RGS17: variants seen among roughly 807,000 people sequenced by gnomAD.
The protein encoded by RGS17 is regulator of G protein signaling 17.
A neutral mutation model predicts 25.5 loss-of-function variants in RGS17; 12 were observed. That is an observed-to-expected ratio of 0.47 (90% CI 0.30 to 0.76). The LOEUF (loss-of-function observed/expected upper bound fraction) is 0.76, where lower values mean the gene tolerates loss of function less well. Among genes scored for constraint, RGS17 ranks in the 30% least tolerant of loss-of-function variants. The pLI is 0.07. For missense variants in RGS17, 196 were observed against 242.2 expected, an observed-to-expected ratio of 0.81 and a Z score of 1.27; for synonymous variants, 71 against 76.9, an observed-to-expected ratio of 0.92 and a Z score of 0.40.
intron 2 of RGS17, among the ~76,000 whole-genome samples, chr6:153,043,508 G>A (rs7755574): frequency 6.7e-6 from 1 of 149,968 alleles, no homozygotes; most frequent in Non-Finnish European, 1.5e-5. Context: ...AAAAACACAT[G>A]CAATACTACA....
Position 153,054,018 on chromosome 6 carries a change from GTATATAATATATATACA to G in RGS17, c.-25-9992_-25-9976del, listed in dbSNP as rs1562321465. Among the ~76,000 whole-genome samples, 2 of 21,356 alleles carry G rather than the reference GTATATAATATATATACA, an allele frequency of 9.4e-5. 1 individual carries two copies. The highest frequency in any genetic ancestry group is 3.5e-4 in the African/African-American group (2 of 5,638). 14.0% of individuals were successfully genotyped at this position (21,356 alleles called of 152,430 possible). On this transcript the variant is annotated intron_variant, in intron 1 of 4. Coordinates refer to ENST00000206262, the MANE Select transcript of RGS17 (RefSeq NM_012419.5). Reference sequence around the variant, plus strand: ...TATATATACATATATACGTATATATGTATATAATATATATACATATATATGTATATATGTATATAATA... The same window carrying G: ...TATATATACATATATACGTATATATGTATATATGTATATATGTATATAATA...
At chr6:153,082,530 G>A (rs1475825842) in intron 1 of RGS17, among the ~76,000 whole-genome samples, 1 of 151,802 alleles carries the variant, frequency 6.6e-6, no homozygotes, top group African/African-American at 2.4e-5. Context: ...TTACCTATGA[G>A]TTTTACTTTG....
intron 1 of RGS17, among the ~76,000 whole-genome samples, chr6:153,058,895 C>A (rs1405910504): frequency 3.7e-5 from 4 of 107,736 alleles, no homozygotes; most frequent in East Asian, 8.0e-4. Flanking sequence ...TACTCGTTAG[C>A]GCATTTTTTT....
At position 153,098,557 on chromosome 6, in the gene RGS17, C is replaced by G. The variant is rs952423406; in HGVS notation, c.-26+32567G>C. Among the ~76,000 whole-genome samples, 3 of 152,256 alleles carry G rather than the reference C, an allele frequency of 2.0e-5. No individual in the cohort carries two copies. The East Asian group carries it at 5.8e-4, about 29-fold the overall frequency. Reference sequence around the variant, plus strand: ...AGTGATTTCTGTGGTCTCAGCCCCCCACATGGTGATCAGCTACCTCAGGGA... The same window carrying G: ...AGTGATTTCTGTGGTCTCAGCCCCCGACATGGTGATCAGCTACCTCAGGGA... On this transcript the variant is annotated intron_variant, in intron 1 of 4. Coordinates refer to ENST00000206262, the MANE Select transcript of RGS17 (RefSeq NM_012419.5).
chr6:153,095,938 T>C (rs1018619798), intron 1 of RGS17, among the ~76,000 whole-genome samples: 1 of 152,214 alleles, frequency 6.6e-6, no homozygotes, highest in Non-Finnish European at 1.5e-5. Flanking sequence ...GCATCTTCTG[T>C]GTTCTAGATA....
intron 2 of RGS17, among the ~76,000 whole-genome samples, chr6:153,027,723 A>G (rs1779317856): frequency 6.6e-6 from 1 of 152,172 alleles, no homozygotes; most frequent in African/African-American, 2.4e-5. Flanking sequence ...AATAGGTGCT[A>G]TAGTTGGAAT....
intron 1 of RGS17, among the ~76,000 whole-genome samples, chr6:153,090,582 G>A (rs1464031816): frequency 6.6e-6 from 1 of 151,768 alleles, no homozygotes; most frequent in Non-Finnish European, 1.5e-5. Flanking sequence ...AGCTATGATT[G>A]AGCCACTACA....
chr6:153,114,510 G>A (rs181034064), intron 1 of RGS17, among the ~76,000 whole-genome samples: 1 of 152,224 alleles, frequency 6.6e-6, no homozygotes, highest in East Asian at 1.9e-4. Flanking sequence ...ATACAAAGAG[G>A]AGCTGATATC....
At chr6:153,118,984 G>A (rs1230387696) in intron 1 of RGS17, among the ~76,000 whole-genome samples, 1 of 152,044 alleles carries the variant, frequency 6.6e-6, no homozygotes, top group Non-Finnish European at 1.5e-5. Context: ...ATGTATGAAT[G>A]TGTACATATA....
At chr6:153,068,919 C>G (rs1216256052) in intron 1 of RGS17, among the ~76,000 whole-genome samples, 1 of 152,096 alleles carries the variant, frequency 6.6e-6, no homozygotes, top group Non-Finnish European at 1.5e-5. Context: ...TCTCACCCCA[C>G]TTAGAAGGGC....
chr6:153,016,103 T>C (rs1779181623), intron 4 of RGS17, among the ~76,000 whole-genome samples: 1 of 152,230 alleles, frequency 6.6e-6, no homozygotes, highest in Non-Finnish European at 1.5e-5. Context: ...CATTTGTCTT[T>C]ATTGGGAATT....
chr6:153,019,026 CA>C, intron 4 of RGS17, among the ~76,000 whole-genome samples: 1 of 152,274 alleles, frequency 6.6e-6, no homozygotes, highest in South Asian at 2.1e-4. Flanking sequence ...TTTTTTCTCT[CA>C]GATGGTAACT....
rs1160075200 is a variant in RGS17 at position 153,130,830 on chromosome 6, C to T, written c.-26+294G>A. Among the ~76,000 whole-genome samples the T allele has an allele frequency of 6.6e-6, 1 of 152,054 alleles. No individual in the cohort carries two copies. Among genetic ancestry groups the T allele is most frequent in the African/African-American group, 2.4e-5 (1 of 41,442 alleles). On this transcript the variant is annotated intron_variant, in intron 1 of 4. Coordinates refer to ENST00000206262, the MANE Select transcript of RGS17 (RefSeq NM_012419.5). The surrounding 1 kb of genome is among the most constrained non-coding windows in gnomAD (Gnocchi z 6.4). ...CGAGCGTTCCCCGGCGGGCAGGACACTCGCCCGGTTCCCTGCAGCAGCTGA... is the reference window on the plus strand; with the variant it reads ...CGAGCGTTCCCCGGCGGGCAGGACATTCGCCCGGTTCCCTGCAGCAGCTGA...
chr6:153,091,107 A>G (rs1777124226), intron 1 of RGS17, among the ~76,000 whole-genome samples: 1 of 152,198 alleles, frequency 6.6e-6, no homozygotes, highest in Non-Finnish European at 1.5e-5. Flanking sequence ...TGGAATTTGC[A>G]TTTCCTTAAT....
chr6:153,068,621 A>G (rs1317416802), intron 1 of RGS17, among the ~76,000 whole-genome samples: 1 of 152,156 alleles, frequency 6.6e-6, no homozygotes, highest in African/African-American at 2.4e-5. Flanking sequence ...TCAAGTTAAA[A>G]AGCTTCTCCA....
intron 2 of RGS17, among the ~76,000 whole-genome samples, chr6:153,038,180 G>A (rs1776276062): frequency 6.6e-6 from 1 of 152,160 alleles, no homozygotes; most frequent in African/African-American, 2.4e-5. Context: ...ACCGTGCAGA[G>A]CCCTGTCACC....
chr6:153,039,935 G>A (rs1186105560), intron 2 of RGS17, among the ~76,000 whole-genome samples: 1 of 152,192 alleles, frequency 6.6e-6, no homozygotes, highest in South Asian at 2.1e-4. Flanking sequence ...AGGGAAGAAG[G>A]TTACTATCTG....
intron 1 of RGS17, among the ~76,000 whole-genome samples, chr6:153,118,163 T>G (rs374884051): frequency 3.4e-4 from 52 of 152,308 alleles, no homozygotes; most frequent in African/African-American, 1.2e-3. Flanking sequence ...TTGCATCTCC[T>G]CTCTTGGATG....
At chr6:153,115,422 T>A (rs995717468) in intron 1 of RGS17, among the ~76,000 whole-genome samples, 1 of 151,928 alleles carries the variant, frequency 6.6e-6, no homozygotes, top group Non-Finnish European at 1.5e-5. Flanking sequence ...CTCAAGGAAA[T>A]AAGAGAGGAC....
Sources: allele counts gnomAD v4.1 joint callset (sites outside exome capture counted in the v4.1 genomes callset), GRCh38; gene constraint gnomAD v4.1.1; non-coding constraint Gnocchi (gnomAD v3.1); transcripts MANE v1.5; gene names NCBI Gene and HGNC (gene_info 2026-07-23, HGNC 2026-07-21).